MYT1L: variants seen among roughly 807,000 people sequenced by gnomAD.
The protein encoded by MYT1L is myelin transcription factor 1 like.
A neutral mutation model predicts 126.7 loss-of-function variants in MYT1L; 12 were observed. The ratio of observed to expected loss-of-function variants is 0.09; its 90% CI spans 0.06 to 0.15. The LOEUF (loss-of-function observed/expected upper bound fraction) is 0.15. Among genes scored for constraint, MYT1L ranks in the 10% least tolerant of loss-of-function variants. The pLI, the probability that MYT1L is intolerant of heterozygous loss-of-function variation, is 1.00. For missense variants in MYT1L, 979 were observed against 1,585.2 expected, an observed-to-expected ratio of 0.62 and a Z score of 6.49; for synonymous variants, 541 against 604.2, an observed-to-expected ratio of 0.90 and a Z score of 1.53.
At chr2:1,802,036 A>G (rs918027460) in intron 22 of MYT1L, 1 of 394,896 alleles carries the variant, frequency 2.5e-6, no homozygotes, top group East Asian at 5.0e-5. Flanking sequence ...CGCACAGAAG[A>G]CTCCCAGGCA....
intron 3 of MYT1L, among the ~76,000 whole-genome samples, chr2:2,112,391 T>C (rs1025643054): frequency 2.6e-5 from 4 of 152,250 alleles, no homozygotes; most frequent in Non-Finnish European, 5.9e-5. Context: ...TATTGTACGT[T>C]TGAAACACTT....
intron 2 of MYT1L, among the ~76,000 whole-genome samples, chr2:2,205,126 G>T (rs1310810117): frequency 1.7e-5 from 2 of 120,452 alleles, no homozygotes; most frequent in Non-Finnish European, 3.4e-5. Flanking sequence ...GTGGGGTGGG[G>T]GGAGGGGGGA....
intron 1 of MYT1L, among the ~76,000 whole-genome samples, chr2:2,317,874 G>A (rs9309700): frequency 1.3e-5 from 2 of 152,086 alleles, no homozygotes; most frequent in African/African-American, 2.4e-5. Context: ...AAATCTAAGA[G>A]CAGGTGCCAA....
intron 13 of MYT1L, among the ~76,000 whole-genome samples, chr2:1,905,734 G>C (rs1027121483): frequency 2.0e-5 from 3 of 152,174 alleles, no homozygotes; most frequent in African/African-American, 7.2e-5. Context: ...TGTACCTCTA[G>C]CACAAATGTG....
Position 1,927,361 on chromosome 2 carries a change from G to A in MYT1L, c.506-4098C>T, listed in dbSNP as rs114324578. Among the ~76,000 whole-genome samples the A allele has an allele frequency of 1.8e-3, 271 of 152,288 alleles. 1 individual carries two copies. Among genetic ancestry groups the A allele is most frequent in the African/African-American group, 6.4e-3 (264 of 41,544 alleles). ...TAGGGTTGAATTTTATCTCTTTTGA[G>A]TCAGATTGTTATAAACAATTTATGC... On this transcript the variant is annotated intron_variant, in intron 9 of 24. Coordinates refer to ENST00000647738, the MANE Select transcript of MYT1L (RefSeq NM_001303052.2).
At chr2:2,106,868 C>T (rs2078825803) in intron 3 of MYT1L, among the ~76,000 whole-genome samples, 1 of 152,200 alleles carries the variant, frequency 6.6e-6, no homozygotes, top group Non-Finnish European at 1.5e-5. Context: ...GAGCAGACAT[C>T]CAGTGTCCAG....
At chr2:2,029,098 T>G (rs1243764500) in intron 4 of MYT1L, among the ~76,000 whole-genome samples, 2 of 152,220 alleles carry the variant, frequency 1.3e-5, no homozygotes, top group East Asian at 1.9e-4. Context: ...TATTAACAAC[T>G]CAGAATAAAG....
At chr2:2,220,059 G>A (rs569260111) in intron 2 of MYT1L, among the ~76,000 whole-genome samples, 1 of 152,180 alleles carries the variant, frequency 6.6e-6, no homozygotes, top group South Asian at 2.1e-4. Context: ...GAAGAGGGGA[G>A]GATGGAAAAG....
At chr2:2,141,281 T>C (rs1185264348) in intron 3 of MYT1L, among the ~76,000 whole-genome samples, 2 of 152,214 alleles carry the variant, frequency 1.3e-5, no homozygotes, top group African/African-American at 4.8e-5. Flanking sequence ...ATAATCTGCC[T>C]TTCCACTAAT....
intron 22 of MYT1L, among the ~76,000 whole-genome samples, chr2:1,803,934 C>G (rs1185547651): frequency 6.6e-6 from 1 of 152,158 alleles, no homozygotes; most frequent in Admixed American, 6.5e-5. Context: ...TCCTGCGAGC[C>G]CCCAGGCACG....
chr2:1,976,119 C>CAAA (rs10622987), intron 8 of MYT1L, among the ~76,000 whole-genome samples: 18,189 of 103,914 alleles, frequency 0.18, 2,023 homozygotes, highest in African/African-American at 0.33. Flanking sequence ...GTTAAAAGAC[C>CAAA]AAAAAAAAAA....
intron 12 of MYT1L, 95 bp downstream of exon 12, chr2:1,911,925 A>G: frequency 1.1e-6 from 1 of 922,134 alleles, no homozygotes; most frequent in Non-Finnish European, 1.6e-6. Flanking sequence ...CACGGTGGGG[A>G]GCACCATATG....
At chr2:1,981,597 C>T (rs2060614707) in intron 5 of MYT1L, among the ~76,000 whole-genome samples, 1 of 152,216 alleles carries the variant, frequency 6.6e-6, no homozygotes, top group East Asian at 1.9e-4. Flanking sequence ...AGACGACGGG[C>T]CTGAGCCAGG....
Position 1,929,430 on chromosome 2 carries a change from G to C in MYT1L, c.506-6167C>G, listed in dbSNP as rs1250606208. Among the ~76,000 whole-genome samples, 1 of 152,218 alleles carries C rather than the reference G, an allele frequency of 6.6e-6. No individual in the cohort carries two copies. The highest frequency in any genetic ancestry group is 1.5e-5 in the Non-Finnish European group (1 of 68,034). Reference sequence around the variant, plus strand: ...TCAACGCAGGTGAAAGGGGAACATGGAGGGTGACGCGGCATTGACAGTGGG... The same window carrying C: ...TCAACGCAGGTGAAAGGGGAACATGCAGGGTGACGCGGCATTGACAGTGGG... On this transcript the variant is annotated intron_variant, in intron 9 of 24. Coordinates refer to ENST00000647738, the MANE Select transcript of MYT1L (RefSeq NM_001303052.2). This position sits in a 1 kb window ranked among gnomAD's most constrained non-coding sequence, Gnocchi z 4.7.
At chr2:2,061,614 C>T (rs2070506358) in intron 3 of MYT1L, among the ~76,000 whole-genome samples, 1 of 152,054 alleles carries the variant, frequency 6.6e-6, no homozygotes, top group Non-Finnish European at 1.5e-5. Flanking sequence ...CCTCTTCTTC[C>T]AAAGATGAAA....
chr2:2,045,670 C>T (rs976480949), intron 4 of MYT1L, among the ~76,000 whole-genome samples: 2 of 152,136 alleles, frequency 1.3e-5, no homozygotes, highest in Non-Finnish European at 2.9e-5. Flanking sequence ...TGTAGTTGTA[C>T]TGTGAATGCA....
At chr2:2,173,296 T>C (rs2148552081) in intron 2 of MYT1L, among the ~76,000 whole-genome samples, 1 of 152,370 alleles carries the variant, frequency 6.6e-6, no homozygotes, top group Non-Finnish European at 1.5e-5. Context: ...GGTTGAGCCA[T>C]TACTGGCCCA....
chr2:1,963,315 G>T (rs1199981397), intron 8 of MYT1L, among the ~76,000 whole-genome samples: 1 of 152,238 alleles, frequency 6.6e-6, no homozygotes, highest in African/African-American at 2.4e-5. Context: ...CAAATGTGCT[G>T]TCATCCAGGC....
intron 9 of MYT1L, among the ~76,000 whole-genome samples, chr2:1,930,170 C>G (rs150514132): frequency 1.1e-4 from 17 of 152,176 alleles, no homozygotes; most frequent in Admixed American, 1.1e-3. Context: ...GGGGATGGAA[C>G]GGAGGGACTG....
Sources: allele counts gnomAD v4.1 joint callset (sites outside exome capture counted in the v4.1 genomes callset), GRCh38; gene constraint gnomAD v4.1.1; non-coding constraint Gnocchi (gnomAD v3.1); transcripts MANE v1.5; gene names NCBI Gene and HGNC (gene_info 2026-07-23, HGNC 2026-07-21).